Variants in GRIP2 observed in about 807,000 individuals in gnomAD.
GRIP2 encodes the protein glutamate receptor-interacting protein 2.
A neutral mutation model predicts 108.3 loss-of-function variants in GRIP2; 58 were observed. The observed-to-expected ratio is 0.54, with a 90% CI of 0.43 to 0.67. GRIP2 has a LOEUF of 0.67. Among genes scored for constraint, GRIP2 ranks in the 30% least tolerant of loss-of-function variants. GRIP2 has a pLI of 0.00. For synonymous variants in GRIP2, 586 were observed against 598.2 expected (o/e 0.98, Z 0.30); for missense variants, 1,278 against 1,430.6 (o/e 0.89, Z 1.72).
chr3:14,509,425 C>T (rs1694021167), intron 17 of GRIP2, among the ~76,000 whole-genome samples: 1 of 152,252 alleles, frequency 6.6e-6, no homozygotes, highest in African/African-American at 2.4e-5. Flanking sequence ...GGGACAGTCC[C>T]CCAATGCCTC....
chr3:14,553,094 G>C (rs1046313009), intron 1 of GRIP2, among the ~76,000 whole-genome samples: 1 of 141,270 alleles, frequency 7.1e-6, no homozygotes, highest in Non-Finnish European at 1.5e-5. Flanking sequence ...AAGCCTCCAG[G>C]CATTTTCTTT....
In GRIP2 at chr3:14,505,794, T is replaced by C. The variant is rs2124867524; in HGVS notation, c.2399-5A>G. On this transcript the variant is annotated splice_region_variant and splice_polypyrimidine_tract_variant and intron_variant, in intron 19 of 23. Coordinates refer to ENST00000621039, the MANE Select transcript of GRIP2 (RefSeq NM_001080423.4). This position sits in a 1 kb window ranked among gnomAD's most constrained non-coding sequence, Gnocchi z 4.2. ...CTGCCTGTGGTGTATAGGACCCTGG[T>C]GGTGGAGAGAGGGCCTCTGTGTTCC... The C allele has an allele frequency of 6.6e-7, 1 of 1,513,808 alleles. No individual in the cohort carries two copies. The highest frequency in any genetic ancestry group is 8.8e-7 in the Non-Finnish European group (1 of 1,132,760). The allele number at this position is 1,513,808 out of a possible 1,614,324, so 93.8% of individuals were successfully genotyped here. A position where few individuals can be genotyped will look rare whatever the true frequency, so the allele number is the denominator to read the frequency against.
upstream of GRIP2, among the ~76,000 whole-genome samples, chr3:14,542,382 T>C (rs562873143): frequency 3.9e-5 from 6 of 152,294 alleles, no homozygotes; most frequent in East Asian, 1.2e-3. Context: ...CTCAAACTCC[T>C]GTATCTGCTC....
chr3:14,576,549 G>A, the GRIP2 span, among the ~76,000 whole-genome samples: 1 of 152,250 alleles, frequency 6.6e-6, no homozygotes, highest in African/African-American at 2.4e-5. Flanking sequence ...GGCCATGGAA[G>A]ACTTTGAACT....
upstream of GRIP2, among the ~76,000 whole-genome samples, chr3:14,541,490 T>A (rs576816673): frequency 2.1e-4 from 32 of 152,276 alleles, no homozygotes; most frequent in South Asian, 6.6e-3. Flanking sequence ...TTCTTGTGGG[T>A]TCCCTCCAGA....
At chr3:14,595,189 C>T in the GRIP2 span, among the ~76,000 whole-genome samples, 1 of 152,150 alleles carries the variant, frequency 6.6e-6, no homozygotes, top group African/African-American at 2.4e-5. Flanking sequence ...TGCGCCACCA[C>T]ACCCAGCTAA....
At chr3:14,528,122 T>C (rs973998545) in intron 1 of GRIP2, among the ~76,000 whole-genome samples, 1 of 152,230 alleles carries the variant, frequency 6.6e-6, no homozygotes, top group South Asian at 2.1e-4. Context: ...CTCTATCATC[T>C]TGTCTTCTCC....
At chr3:14,563,875 C>T in the GRIP2 span, among the ~76,000 whole-genome samples, 7 of 152,154 alleles carry the variant, frequency 4.6e-5, no homozygotes, top group East Asian at 1.9e-4. Context: ...AAAATGAAGA[C>T]GGGAACACTG....
the GRIP2 span, chr3:14,573,839 C>T: frequency 6.8e-7 from 1 of 1,461,016 alleles, no homozygotes; most frequent in Non-Finnish European, 9.6e-7. Context: ...TGGGTCACTT[C>T]ACCCACATTG....
chr3:14,574,917 C>A, the GRIP2 span: 6 of 208,336 alleles, frequency 2.9e-5, no homozygotes, highest in South Asian at 4.5e-4. Flanking sequence ...TGTATTATTC[C>A]ATTGATAGGA....
chr3:14,575,051 C>T, the GRIP2 span, among the ~76,000 whole-genome samples: 3 of 152,042 alleles, frequency 2.0e-5, no homozygotes, highest in African/African-American at 4.8e-5. Flanking sequence ...TCTAGGGGAG[C>T]AGGAGTGGGA....
chr3:14,572,918 C>T, the GRIP2 span: 1 of 1,330,226 alleles, frequency 7.5e-7, no homozygotes, highest in Admixed American at 1.7e-5. Flanking sequence ...AGGTGAGGAA[C>T]TCACACCACT....
At chr3:14,541,475 G>A (rs894631534), upstream of GRIP2, among the ~76,000 whole-genome samples, 4 of 152,208 alleles carry the variant, frequency 2.6e-5, no homozygotes, top group Admixed American at 1.3e-4. Flanking sequence ...TTAGGGACCC[G>A]AGGTTTCTTG....
In GRIP2 at chr3:14,524,411, A is replaced by C. The variant is rs1694497201; in HGVS notation, c.385T>G (p.Tyr129Asp). Residue 129 changes from tyrosine (Y) to aspartate (D), a missense_variant, in exon 4 of 24, where the codon TAT becomes GAT. Coordinates refer to ENST00000621039, the MANE Select transcript of GRIP2 (RefSeq NM_001080423.4). ...CACCCACCGGGCGGGGGCAGCTCATACTCCACCTCCAGCACCACGCGCTCG... is the reference window on the plus strand; with the variant it reads ...CACCCACCGGGCGGGGGCAGCTCATCCTCCACCTCCAGCACCACGCGCTCG... ...VGERVVLEVEYELPPPAPENN... is the reference protein window; with the variant it reads ...VGERVVLEVEDELPPPAPENN... The C allele has an allele frequency of 6.2e-7, 1 of 1,609,866 alleles. No individual in the cohort carries two copies. Among genetic ancestry groups the C allele is most frequent in the South Asian group, 1.1e-5 (1 of 89,808 alleles).
At chr3:14,541,798 T>C (rs948240614), upstream of GRIP2, 87 of 1,077,868 alleles carry the variant, frequency 8.1e-5, no homozygotes, top group Non-Finnish European at 1.0e-4. Context: ...GAGGGTCAGA[T>C]TGCAGAGGGA....
chr3:14,540,562 C>A (rs181089390), upstream of GRIP2, among the ~76,000 whole-genome samples: 2 of 152,276 alleles, frequency 1.3e-5, no homozygotes, highest in East Asian at 3.9e-4. The surrounding 1 kb of genome is among the most constrained non-coding windows in gnomAD (Gnocchi z 4.1). Flanking sequence ...TTGAAGGTGG[C>A]ATGCCTGGGG....
chr3:14,561,810 C>T, the GRIP2 span, among the ~76,000 whole-genome samples: 1 of 152,248 alleles, frequency 6.6e-6, no homozygotes, highest in African/African-American at 2.4e-5. Context: ...AAGGCTGGCT[C>T]TGTGGGTGGA....
At chr3:14,527,708 AGGCAT>A (rs869156349) in intron 1 of GRIP2, among the ~76,000 whole-genome samples, 4 of 57,934 alleles carry the variant, frequency 6.9e-5, no homozygotes, top group East Asian at 1.0e-3. Context: ...TGGCCAACAG[AGGCAT>A]GGCAAAACCC....
the GRIP2 span, among the ~76,000 whole-genome samples, chr3:14,562,082 G>GA: frequency 2.6e-5 from 4 of 152,164 alleles, no homozygotes; most frequent in African/African-American, 9.6e-5. Context: ...TGAAAGCTGC[G>GA]AAAAATAAAC....
Sources: allele counts gnomAD v4.1 joint callset (sites outside exome capture counted in the v4.1 genomes callset), GRCh38; gene constraint gnomAD v4.1.1; non-coding constraint Gnocchi (gnomAD v3.1); transcripts MANE v1.5; gene names NCBI Gene and HGNC (gene_info 2026-07-23, HGNC 2026-07-21).